Variants in CSRNP3 observed in about 807,000 individuals in gnomAD.
The protein encoded by CSRNP3 is cysteine/serine-rich nuclear protein 3.
Under a neutral mutation model 48.0 loss-of-function variants are expected in CSRNP3, and 12 were observed. The observed-to-expected ratio is 0.25, with a 90% CI of 0.16 to 0.41. The LOEUF (loss-of-function observed/expected upper bound fraction) is 0.41. Among genes scored for constraint, CSRNP3 ranks in the 10% least tolerant of loss-of-function variants. The pLI is 1.00. For synonymous variants in CSRNP3, 263 were observed against 269.7 expected (o/e 0.98, Z 0.24); for missense variants, 580 against 724.4 (o/e 0.80, Z 2.29).
At chr2:165,642,103 A>ACACAC (rs1686731373) in intron 4 of CSRNP3, among the ~76,000 whole-genome samples, 2 of 132,104 alleles carry the variant, frequency 1.5e-5, no homozygotes, top group African/African-American at 5.5e-5. Context: ...CACACACACA[A>ACACAC]ACACACACAC....
At chr2:165,580,246 T>C (rs770450777) in intron 3 of CSRNP3, among the ~76,000 whole-genome samples, 2 of 152,200 alleles carry the variant, frequency 1.3e-5, no homozygotes, top group African/African-American at 2.4e-5. Flanking sequence ...TTTCAAAAGA[T>C]TGTATGACTA....
At position 165,688,175 on chromosome 2, in the gene CSRNP3, C is replaced by T. The variant is rs1273985436; in HGVS notation, c.*8422C>T. ...GAGGCATAGTTTGTGAAACATGTTT[C>T]AAAAGTGTTTGATGTATAATAAATG... On this transcript the variant is annotated 3_prime_UTR_variant, in exon 7 of 7. Transcript: ENST00000651982. 6.6e-6 allele frequency: 1 copy of T among 151,842 alleles called. No homozygotes were observed. Among genetic ancestry groups the T allele is most frequent in the Non-Finnish European group, 1.5e-5 (1 of 67,962 alleles). 9.4% of individuals were successfully genotyped at this position (151,842 alleles called of 1,614,324 possible).
intron 2 of CSRNP3, among the ~76,000 whole-genome samples, chr2:165,497,004 G>C (rs560572285): frequency 9.9e-5 from 15 of 152,178 alleles, no homozygotes; most frequent in African/African-American, 3.6e-4. Context: ...AGATGAAAGT[G>C]ATGTTCTGGT....
At chr2:165,675,558 A>G (rs1687410064) in intron 5 of CSRNP3, among the ~76,000 whole-genome samples, 1 of 152,230 alleles carries the variant, frequency 6.6e-6, no homozygotes, top group Non-Finnish European at 1.5e-5. Flanking sequence ...CAGACTAATC[A>G]TGTGTATGTG....
At position 165,469,731 on chromosome 2, in the gene CSRNP3, A is replaced by G. The variant is rs552314397; in HGVS notation, c.-292A>G. ...CTGACGGAGCCGAAGTACAGAAACC[A>G]TATTTACAGGTAAGAGCGAAAAATA... On this transcript the variant is annotated 5_prime_UTR_variant, in exon 1 of 7. Coordinates refer to ENST00000651982, the MANE Select transcript of CSRNP3 (RefSeq NM_001172173.2). 5.9e-4 allele frequency: 90 copies of G among 152,542 alleles called. No homozygotes were observed. The highest frequency in any genetic ancestry group is 1.1e-3 in the Non-Finnish European group (73 of 68,010). The allele number at this position is 152,542 out of a possible 1,614,324, so 9.4% of individuals were successfully genotyped here.
At chr2:165,536,841 A>C (rs1684888141) in intron 3 of CSRNP3, among the ~76,000 whole-genome samples, 1 of 151,846 alleles carries the variant, frequency 6.6e-6, no homozygotes, top group Non-Finnish European at 1.5e-5. Context: ...CAAGATTTTA[A>C]ATTGTGTTTT....
At chr2:165,574,579 C>A in intron 3 of CSRNP3, 1 of 521,498 alleles carries the variant, frequency 1.9e-6, no homozygotes, top group East Asian at 3.2e-5. Context: ...TTTTCTTCTT[C>A]GTATTTCTCT....
chr2:165,528,794 T>G (rs1279894032), intron 3 of CSRNP3, among the ~76,000 whole-genome samples: 1 of 152,238 alleles, frequency 6.6e-6, no homozygotes, highest in Non-Finnish European at 1.5e-5. Context: ...TGGCCGCTGC[T>G]ATCATGCCGG....
Position 165,527,495 on chromosome 2 carries a change from G to A in CSRNP3, c.-24+9534G>A, listed in dbSNP as rs140250942. ...GCTGAGATTACAAGCATAAGCCACC[G>A]TGCCCGGCCACTATTTGTACTCTTA... On this transcript the variant is annotated intron_variant, in intron 3 of 6. Transcript: ENST00000651982. 2.6e-4 allele frequency among the ~76,000 whole-genome samples: 39 copies of A among 152,052 alleles called. No individual in the cohort carries two copies. The East Asian group carries it at 6.6e-3, about 26-fold the overall frequency.
At chr2:165,591,347 G>A (rs1029262853) in intron 3 of CSRNP3, among the ~76,000 whole-genome samples, 4 of 152,158 alleles carry the variant, frequency 2.6e-5, no homozygotes, top group Admixed American at 6.5e-5. Context: ...GAGCATAAAG[G>A]TTGGAAAATT....
chr2:165,570,245 C>G (rs914069684), intron 3 of CSRNP3, among the ~76,000 whole-genome samples: 12 of 151,956 alleles, frequency 7.9e-5, no homozygotes, highest in Non-Finnish European at 1.6e-4. Context: ...CTATCTCTTT[C>G]TAGTTCTGAT....
chr2:165,594,513 G>A (rs1685777163), intron 3 of CSRNP3, among the ~76,000 whole-genome samples: 1 of 152,206 alleles, frequency 6.6e-6, no homozygotes. Context: ...GCTTCAGTAA[G>A]CAGGTAGCAT....
At chr2:165,620,980 C>A (rs1363402966) in intron 4 of CSRNP3, among the ~76,000 whole-genome samples, 1 of 151,788 alleles carries the variant, frequency 6.6e-6, no homozygotes, top group African/African-American at 2.4e-5. Flanking sequence ...CCACTTTTTT[C>A]TAGTCTGCTT....
chr2:165,491,776 A>G (rs1175698004), intron 1 of CSRNP3, among the ~76,000 whole-genome samples: 4 of 116,426 alleles, frequency 3.4e-5, no homozygotes, highest in Non-Finnish European at 7.0e-5. Flanking sequence ...CAGGAAGGGG[A>G]ATATCACACT....
chr2:165,601,212 G>A (rs565052918), intron 4 of CSRNP3, among the ~76,000 whole-genome samples: 1 of 152,216 alleles, frequency 6.6e-6, no homozygotes, highest in Admixed American at 6.5e-5. Context: ...GCCTGTACTT[G>A]AGCACTGTCA....
chr2:165,661,697 A>G (rs548583918), intron 5 of CSRNP3, among the ~76,000 whole-genome samples: 3 of 152,332 alleles, frequency 2.0e-5, no homozygotes, highest in South Asian at 4.1e-4. Flanking sequence ...AAAGCATTCC[A>G]GAAAGAAAAG....
chr2:165,614,189 T>C (rs554459883), intron 4 of CSRNP3, among the ~76,000 whole-genome samples: 1 of 152,270 alleles, frequency 6.6e-6, no homozygotes, highest in East Asian at 1.9e-4. Context: ...TTTTTTTTAT[T>C]TGTAGCTGTT....
At chr2:165,479,882 CA>C (rs574763160) in intron 1 of CSRNP3, among the ~76,000 whole-genome samples, 2,622 of 127,016 alleles carry the variant, frequency 0.021, 50 homozygotes, top group African/African-American at 0.063. Flanking sequence ...AGACCAGTCT[CA>C]AAAAAAAAAA....
At chr2:165,675,168 G>A (rs2105362444) in intron 5 of CSRNP3, among the ~76,000 whole-genome samples, 1 of 152,222 alleles carries the variant, frequency 6.6e-6, no homozygotes, top group East Asian at 1.9e-4. Flanking sequence ...TTATCTGAAT[G>A]TTAGACTTTT....
Sources: allele counts gnomAD v4.1 joint callset (sites outside exome capture counted in the v4.1 genomes callset), GRCh38; gene constraint gnomAD v4.1.1; transcripts MANE v1.5; gene names NCBI Gene and HGNC (gene_info 2026-07-23, HGNC 2026-07-21).